JMJD1C: variants seen among roughly 807,000 people sequenced by gnomAD.
JMJD1C encodes jumonji domain-containing protein 1C.
In JMJD1C, 31 loss-of-function variants were observed where a neutral mutation model predicts 245.3. That is an observed-to-expected ratio of 0.13 (90% CI 0.09 to 0.17). JMJD1C has a LOEUF of 0.17. Among genes scored for constraint, JMJD1C ranks in the 10% least tolerant of loss-of-function variants. The pLI is 1.00. For missense variants in JMJD1C, 2,691 were observed against 3,000.2 expected (o/e 0.90, Z 2.41); for synonymous variants, 1,057 against 1,017.4 (o/e 1.04, Z -0.74).
At chr10:63,451,058 T>C (rs934206218) in intron 1 of JMJD1C, among the ~76,000 whole-genome samples, 1 of 152,056 alleles carries the variant, frequency 6.6e-6, no homozygotes, top group African/African-American at 2.4e-5. Context: ...GCAATTCCAT[T>C]TACAGTAACA....
intron 3 of JMJD1C, among the ~76,000 whole-genome samples, chr10:63,234,821 A>G (rs1021613519): frequency 6.6e-6 from 1 of 152,056 alleles, no homozygotes; most frequent in Admixed American, 6.5e-5. Context: ...TATTAGTACG[A>G]CATTGATTGT....
chr10:63,237,950 CACAAGGTCAAA>C (rs971515401), intron 3 of JMJD1C, among the ~76,000 whole-genome samples: 11 of 130,936 alleles, frequency 8.4e-5, no homozygotes, highest in African/African-American at 3.2e-4. Flanking sequence ...GTGAGCAGAT[CACAAGGTCAAA>C]ACTTAGAGAC....
At chr10:63,229,507 A>G (rs1428991812) in intron 3 of JMJD1C, among the ~76,000 whole-genome samples, 1 of 152,180 alleles carries the variant, frequency 6.6e-6, no homozygotes, top group African/African-American at 2.4e-5. Context: ...CATTCATACA[A>G]TCAAGAAGAT....
At chr10:63,365,075 C>A (rs1589591843) in intron 2 of JMJD1C, among the ~76,000 whole-genome samples, 1 of 152,344 alleles carries the variant, frequency 6.6e-6, no homozygotes, top group East Asian at 1.9e-4. Context: ...TGGCACAAGA[C>A]CTTGGGATTT....
At chr10:63,189,924 T>C (rs1205801833) in intron 17 of JMJD1C, among the ~76,000 whole-genome samples, 1 of 149,090 alleles carries the variant, frequency 6.7e-6, no homozygotes, top group Non-Finnish European at 1.5e-5. Context: ...GGAGTCTCAC[T>C]CTGTTGCCCA....
At chr10:63,192,563 C>T (rs928269315) in intron 16 of JMJD1C, among the ~76,000 whole-genome samples, 1 of 152,102 alleles carries the variant, frequency 6.6e-6, no homozygotes, top group Non-Finnish European at 1.5e-5. Context: ...AGCAAAACTC[C>T]GTGCTCCCCG....
At chr10:63,509,344 T>C (rs1361914968) in intron 1 of JMJD1C, among the ~76,000 whole-genome samples, 1 of 152,236 alleles carries the variant, frequency 6.6e-6, no homozygotes, top group East Asian at 1.9e-4. Context: ...TGGAGGATTT[T>C]TGCATTATGT....
chr10:63,233,689 A>G (rs1039863707), intron 3 of JMJD1C, among the ~76,000 whole-genome samples: 1 of 151,072 alleles, frequency 6.6e-6, no homozygotes, highest in Non-Finnish European at 1.5e-5. Flanking sequence ...CCAACTAGAA[A>G]GATTTTATAT....
rs775381501 is a variant in JMJD1C, at chr10:63,208,370, C to T, written c.3299G>A (p.Ser1100Asn). ...TGATCTTGGTGGTTCATTGACCACA[C>T]TATTAGACAATGTAGTGAAATAGTT... is the stretch of plus-strand genomic sequence containing the variant. ...QSNYFTTLSNSVVNEPPRSYP... is the reference protein window; with the variant it reads ...QSNYFTTLSNNVVNEPPRSYP... Residue 1100 changes from serine (S) to asparagine (N), a missense_variant, in exon 10 of 26, where the codon AGT (serine) becomes AAT (asparagine). By Grantham distance (46) the Ser-to-Asn change is conservative. This residue lies in a region of JMJD1C where 1,562 missense variants were observed against 1,490.7 expected (regional missense o/e 1.05). Coordinates refer to ENST00000399262, the MANE Select transcript of JMJD1C (RefSeq NM_032776.3). 4 of 1,613,736 alleles carry T rather than the reference C, an allele frequency of 2.5e-6. No homozygotes were observed. Among genetic ancestry groups the T allele is most frequent in the Non-Finnish European group, 3.4e-6 (4 of 1,179,718 alleles).
At chr10:63,371,299 A>G (rs969787114) in intron 2 of JMJD1C, among the ~76,000 whole-genome samples, 1 of 152,112 alleles carries the variant, frequency 6.6e-6, no homozygotes, top group Non-Finnish European at 1.5e-5. Context: ...CTTTTTAAAT[A>G]CATAATTCTA....
chr10:63,378,387 C>T (rs1177955449), intron 2 of JMJD1C, among the ~76,000 whole-genome samples: 1 of 151,932 alleles, frequency 6.6e-6, no homozygotes, highest in Admixed American at 6.6e-5. Flanking sequence ...GTCAGGAGAT[C>T]GAGACCATCC....
rs1223562618 is a variant in JMJD1C at position 63,387,619 on chromosome 10, GA to G, written c.169-7138del. Among the ~76,000 whole-genome samples the G allele has an allele frequency of 2.3e-4, 21 of 90,748 alleles. 1 individual carries two copies. The highest frequency in any genetic ancestry group is 6.5e-4 in the African/African-American group (14 of 21,656). 59.5% of individuals were successfully genotyped at this position (90,748 alleles called of 152,430 possible). A position where few individuals can be genotyped will look rare whatever the true frequency, so the allele number is the denominator to read the frequency against. On this transcript the variant is annotated intron_variant, in intron 1 of 25. Transcript: ENST00000399262. ...GAAATAACCCAGTCAGAAGAAAAAAGAAAAAAAAAATTTTTTTTTTTTTTTT... is the reference window on the plus strand; with the variant it reads ...GAAATAACCCAGTCAGAAGAAAAAAGAAAAAAAAATTTTTTTTTTTTTTTT...
Position 63,285,456 on chromosome 10 carries a change from G to C in JMJD1C, c.334-20692C>G, listed in dbSNP as rs113108105. ...CCTTGCCCTCTGAGTCCATAAACTT[G>C]CCGCAGATCCCAAATCAGAAAGATT... On this transcript the variant is annotated intron_variant, in intron 2 of 25. Transcript: ENST00000399262. Among the ~76,000 whole-genome samples, 909 of 152,206 alleles carry C rather than the reference G, an allele frequency of 6.0e-3. 3 individuals carry two copies. The highest frequency in any genetic ancestry group is 9.7e-3 in the Non-Finnish European group (663 of 68,010).
At chr10:63,193,541 A>G (rs1381393821) in intron 14 of JMJD1C, 69 bp from the exon 15 acceptor site, 19 of 1,078,378 alleles carry the variant, frequency 1.8e-5, no homozygotes, top group Non-Finnish European at 2.4e-5. Flanking sequence ...TTTTTTTCTT[A>G]CAATATTTTG....
intron 1 of JMJD1C, among the ~76,000 whole-genome samples, chr10:63,461,994 C>G (rs1178489590): frequency 6.6e-6 from 1 of 152,092 alleles, no homozygotes; most frequent in Non-Finnish European, 1.5e-5. Context: ...CTTAAACTAT[C>G]AATTTTCTAG....
chr10:63,500,114 C>G (rs1057237890), intron 1 of JMJD1C, among the ~76,000 whole-genome samples: 9 of 152,138 alleles, frequency 5.9e-5, no homozygotes, highest in Non-Finnish European at 8.8e-5. Flanking sequence ...TAGAACAGTC[C>G]ATAATAAATA....
Position 63,191,107 on chromosome 10 carries a change from T to C in JMJD1C, c.6078A>G (p.Glu2026=). ...AEQKAREEKK[E]NKELTLENQI... The stretch of plus-strand genomic sequence containing the variant: ...GGTTTTCAAGGGTAAGTTCTTTGTT[T>C]TCTGAAATAGAAAATTTCACAGATT... The change falls in exon 17 of 26, where the codon GAA becomes GAG. Residue 2026 remains glutamate, a splice_region_variant and synonymous_variant. Coordinates refer to ENST00000399262, the MANE Select transcript of JMJD1C (RefSeq NM_032776.3). 1 of 1,604,992 alleles carries C rather than the reference T, an allele frequency of 6.2e-7. No individual in the cohort carries two copies. The highest frequency in any genetic ancestry group is 8.5e-7 in the Non-Finnish European group (1 of 1,172,360).
At chr10:63,263,584 T>C (rs1228581748) in intron 3 of JMJD1C, among the ~76,000 whole-genome samples, 3 of 152,192 alleles carry the variant, frequency 2.0e-5, no homozygotes, top group Non-Finnish European at 2.9e-5. Flanking sequence ...TTTTAAAACA[T>C]CTGAGTAAAA....
Position 63,465,816 on chromosome 10 carries a change from C to A in JMJD1C, c.-154G>T, listed in dbSNP as rs549678672. On this transcript the variant is annotated 5_prime_UTR_variant, in exon 1 of 26. Transcript: ENST00000399262. ...TCGGGACGAACCGGCCGCTCTGCCCCGGACACAGCGACCTCGGGCCCTCCC... is the reference window on the plus strand; with the variant it reads ...TCGGGACGAACCGGCCGCTCTGCCCAGGACACAGCGACCTCGGGCCCTCCC... 5.8e-6 allele frequency: 5 copies of A among 855,442 alleles called. No homozygotes were observed. The highest frequency in any genetic ancestry group is 9.5e-6 in the Non-Finnish European group (5 of 525,110). The allele number at this position is 855,442 out of a possible 1,614,324, so 53.0% of individuals were successfully genotyped here.
Sources: allele counts gnomAD v4.1 joint callset (sites outside exome capture counted in the v4.1 genomes callset), GRCh38; gene constraint gnomAD v4.1.1; regional missense constraint gnomAD v4.1.1; transcripts MANE v1.5; gene names NCBI Gene and HGNC (gene_info 2026-07-23, HGNC 2026-07-21).